SVIL: variants seen among roughly 807,000 people sequenced by gnomAD.
The protein encoded by SVIL is supervillin.
SVIL carries 101 observed loss-of-function variants against 240.4 expected under a neutral mutation model. The ratio of observed to expected loss-of-function variants is 0.42; its 90% CI spans 0.36 to 0.50. SVIL has a LOEUF of 0.50. Among genes scored for constraint, SVIL ranks in the 20% least tolerant of loss-of-function variants. The pLI is 0.01. For synonymous variants in SVIL, 999 were observed against 1,100.0 expected, an observed-to-expected ratio of 0.91 and a Z score of 1.82; for missense variants, 2,512 against 2,818.7, an observed-to-expected ratio of 0.89 and a Z score of 2.46.
intron 22 of SVIL, among the ~76,000 whole-genome samples, chr10:29,490,247 A>G (rs1439227732): frequency 6.6e-6 from 1 of 152,232 alleles, no homozygotes. Flanking sequence ...AATTAATAAT[A>G]TAAAAATCTA....
intron 16 of SVIL, 54 bp from the exon 17 acceptor site, chr10:29,512,915 G>C: frequency 6.3e-7 from 1 of 1,587,650 alleles, no homozygotes; most frequent in Non-Finnish European, 8.5e-7. Flanking sequence ...TCTTCCTTGT[G>C]ATGGAACCAT....
At chr10:29,475,256 C>T (rs147920356) in intron 29 of SVIL, 1 of 152,226 alleles carries the variant, frequency 6.6e-6, no homozygotes, top group Non-Finnish European at 1.5e-5. Flanking sequence ...GTCTCTAACT[C>T]CTGGCCTCAA....
intron 1 of SVIL, among the ~76,000 whole-genome samples, chr10:29,602,607 G>A (rs780328822): frequency 6.6e-6 from 1 of 152,208 alleles, no homozygotes; most frequent in Non-Finnish European, 1.5e-5. Context: ...TTTGTAAACT[G>A]CAGCTTTCAA....
chr10:29,721,396 CTAAA>C (rs1184556277), intron 1 of SVIL, among the ~76,000 whole-genome samples: 1 of 151,756 alleles, frequency 6.6e-6, no homozygotes, highest in Non-Finnish European at 1.5e-5. Flanking sequence ...CGTAAGTAAT[CTAAA>C]TATACCAATT....
intron 17 of SVIL, among the ~76,000 whole-genome samples, chr10:29,505,148 C>A (rs948565208): frequency 6.6e-6 from 1 of 152,140 alleles, no homozygotes; most frequent in South Asian, 2.1e-4. Context: ...CATGGCGAAA[C>A]CCCATCTCTA....
intron 4 of SVIL, 50 bp downstream of exon 4, chr10:29,555,001 G>T: frequency 6.2e-7 from 1 of 1,611,550 alleles, no homozygotes; most frequent in Non-Finnish European, 8.5e-7. Context: ...ATGGAATACT[G>T]CTTTGCCAAG....
At chr10:29,535,289 T>C (rs1164621629) in intron 7 of SVIL, among the ~76,000 whole-genome samples, 3 of 152,128 alleles carry the variant, frequency 2.0e-5, no homozygotes, top group Non-Finnish European at 4.4e-5. Flanking sequence ...CTTAAAACGT[T>C]TGTTAATCAA....
intron 1 of SVIL, among the ~76,000 whole-genome samples, chr10:29,717,605 A>G (rs911477987): frequency 3.3e-5 from 5 of 152,240 alleles, no homozygotes; most frequent in African/African-American, 1.2e-4. Flanking sequence ...TTTAATGTCA[A>G]CAATTCTGAG....
intron 2 of SVIL, among the ~76,000 whole-genome samples, chr10:29,681,362 C>CA (rs1260953006): frequency 6.7e-6 from 1 of 149,962 alleles, no homozygotes; most frequent in Non-Finnish European, 1.5e-5. Flanking sequence ...CACCACAGCA[C>CA]AAAGCATGAC....
At chr10:29,537,397 G>A (rs1414084781) in intron 6 of SVIL, among the ~76,000 whole-genome samples, 1 of 152,212 alleles carries the variant, frequency 6.6e-6, no homozygotes, top group Admixed American at 6.5e-5. Context: ...ACACGACTGA[G>A]TATGATGCCA....
chr10:29,481,702 G>T lies in SVIL; in HGVS notation c.4982C>A (p.Ala1661Glu), dbSNP rs779667609. Reference sequence around the variant, plus strand: ...GTGTTCAGTAAGTCTCCCAAATATCGCCCAGTCGGGCCGCCCCTGTCCTTT... The same window carrying T: ...GTGTTCAGTAAGTCTCCCAAATATCTCCCAGTCGGGCCGCCCCTGTCCTTT... ...PRKGQGRPDW[A>E]IFGRLTEHNE... is the part of the protein sequence containing the mutation. Residue 1661 changes from alanine to glutamate, a missense_variant, in exon 28 of 38, where the codon GCG becomes GAG. By Grantham distance (107) the Ala-to-Glu change is moderately radical. Around this residue, in one of 3 missense-constraint regions of SVIL, gnomAD observed 797 missense variants for 925.3 expected, o/e 0.86. Transcript: ENST00000355867. The T allele has an allele frequency of 6.2e-7, 1 of 1,610,068 alleles. No individual in the cohort carries two copies. Among genetic ancestry groups the T allele is most frequent in the African/African-American group, 1.3e-5 (1 of 74,746 alleles).
intron 16 of SVIL, 70 bp from the exon 17 acceptor site, chr10:29,512,931 A>C: frequency 6.4e-7 from 1 of 1,550,910 alleles, no homozygotes; most frequent in Non-Finnish European, 8.7e-7. Flanking sequence ...ACCATAATCT[A>C]GGTAAGAGAG....
rs115454641 is a variant in SVIL at position 29,501,763 on chromosome 10, C to T, written c.3517-2500G>A. 3.6e-3 allele frequency among the ~76,000 whole-genome samples: 541 copies of T among 152,252 alleles called. 3 individuals are homozygous for T. The highest frequency in any genetic ancestry group is 0.012 in the African/African-American group (515 of 41,540). ...AAAGAGAATACGTTTTCTTTGAAAACGAAGTTTCAGGAGTGAATTTTAATC... is the reference window on the plus strand; with the variant it reads ...AAAGAGAATACGTTTTCTTTGAAAATGAAGTTTCAGGAGTGAATTTTAATC... On this transcript the variant is annotated intron_variant, in intron 17 of 37. Coordinates refer to ENST00000355867, the MANE Select transcript of SVIL (RefSeq NM_021738.3).
intron 16 of SVIL, among the ~76,000 whole-genome samples, chr10:29,514,156 T>TATCCATAAATATTAA (rs143536739): frequency 1.9e-4 from 10 of 52,442 alleles, no homozygotes; most frequent in South Asian, 1.6e-3. Context: ...TAAATATTTT[T>TATCCATAAATATTAA]ATCCATAAAT....
rs1056109451 is a variant in SVIL at position 29,530,460 on chromosome 10, A to T, written c.2106+147T>A. 4 of 836,898 alleles carry T rather than the reference A, an allele frequency of 4.8e-6. No individual in the cohort carries two copies. In the Admixed American group the frequency reaches 9.1e-5, roughly 19 times the overall value. The allele number at this position is 836,898 out of a possible 1,614,324, so 51.8% of individuals were successfully genotyped here. On this transcript the variant is annotated intron_variant, in intron 11 of 37. Coordinates refer to ENST00000355867, the MANE Select transcript of SVIL (RefSeq NM_021738.3). ...CCCCTCCCTAAGGCTTACAATTTTT[A>T]TTTTTTTTGAGATGGGGGTCTCACT...
chr10:29,606,452 T>C (rs1454227186), intron 1 of SVIL, among the ~76,000 whole-genome samples: 1 of 152,224 alleles, frequency 6.6e-6, no homozygotes, highest in African/African-American at 2.4e-5. Context: ...GGTTTTGTTA[T>C]ACTTCTTTCT....
chr10:29,531,981 A>C (rs1341068202), intron 9 of SVIL, 21 bp downstream of exon 9: 1 of 1,612,288 alleles, frequency 6.2e-7, no homozygotes, highest in Non-Finnish European at 8.5e-7. Context: ...GGATGAGGAA[A>C]CTGCGCATAC....
chr10:29,619,893 T>C (rs1957566514), intron 1 of SVIL, among the ~76,000 whole-genome samples: 1 of 152,220 alleles, frequency 6.6e-6, no homozygotes, highest in African/African-American at 2.4e-5. Flanking sequence ...AATGTGGATT[T>C]TTTTGGATGT....
chr10:29,459,428 A>G (rs1262466634), intron 36 of SVIL, among the ~76,000 whole-genome samples: 1 of 152,192 alleles, frequency 6.6e-6, no homozygotes, highest in Admixed American at 6.5e-5. Flanking sequence ...TGAATTATGG[A>G]CTAAGATTAG....
Sources: gnomAD v4.1 joint callset for allele counts (sites outside exome capture counted in the v4.1 genomes callset) on GRCh38, gnomAD v4.1.1 for gene constraint, gnomAD v4.1.1 regional missense constraint, MANE v1.5 for transcripts, NCBI Gene and HGNC (gene_info 2026-07-23, HGNC 2026-07-21) for gene names.